WDR75: variants seen among roughly 807,000 people sequenced by gnomAD.
WDR75 encodes the protein WD repeat domain 75, also known as WD repeat-containing protein 75.
In WDR75, 52 loss-of-function variants were observed where a neutral mutation model predicts 106.1. The observed-to-expected ratio is 0.49, with a 90% CI of 0.39 to 0.62. The LOEUF is 0.62. WDR75 is among the 20% of genes least tolerant of loss of function. The probability of loss-of-function intolerance (pLI) is 0.00; values close to 1 mark genes in which losing one functional copy is unlikely to be tolerated. For synonymous variants in WDR75, 333 were observed against 335.5 expected (o/e 0.99, Z 0.08); for missense variants, 905 against 970.3 (o/e 0.93, Z 0.89).
At chr2:189,461,079 TCAC>T (rs1352297481) in intron 8 of WDR75, among the ~76,000 whole-genome samples, 1 of 152,230 alleles carries the variant, frequency 6.6e-6, no homozygotes, top group East Asian at 1.9e-4. Context: ...TTTGTGTACA[TCAC>T]AACTACATAC....
Position 189,451,807 on chromosome 2 carries a change from T to C in WDR75, c.285T>C (p.Thr95=), listed in dbSNP as rs1284670153. The C allele has an allele frequency of 2.5e-6, 4 of 1,613,258 alleles. No homozygotes were observed. The highest frequency in any genetic ancestry group is 2.2e-5 in the East Asian group (1 of 44,820). The change falls in exon 4 of 21, where the codon ACT becomes ACC. Residue 95 remains threonine (T), a splice_region_variant and synonymous_variant. Transcript: ENST00000314761. ...WDYIDGILIK[T]FIVGCKLHAL... is the part of the protein sequence containing the mutation. ...CTATGGTGCTCTTTATCTTTCAGAC[T>C]TTCATAGTTGGATGTAAACTTCATG...
chr2:189,444,686 T>C (rs13032853), intron 1 of WDR75, among the ~76,000 whole-genome samples: 85,858 of 151,942 alleles, frequency 0.57, 26,070 homozygotes, highest in East Asian at 0.69. Context: ...TTATTTCTAG[T>C]CTTGCTCTGA....
chr2:189,452,598 G>T (rs751514175), intron 4 of WDR75, among the ~76,000 whole-genome samples: 94 of 152,054 alleles, frequency 6.2e-4, no homozygotes, highest in Middle Eastern at 3.4e-3. Context: ...CCAATAATGT[G>T]ACTAAGTTAT....
At chr2:189,455,677 A>AGAC (rs1686719782) in intron 5 of WDR75, 1 of 324,206 alleles carries the variant, frequency 3.1e-6, no homozygotes, top group Admixed American at 4.7e-5. Flanking sequence ...CTCTTAGACT[A>AGAC]TGTGTCTTTA....
intron 1 of WDR75, among the ~76,000 whole-genome samples, chr2:189,442,165 T>C (rs776761099): frequency 2.1e-4 from 32 of 152,182 alleles, no homozygotes; most frequent in Non-Finnish European, 4.1e-4. Flanking sequence ...GTAAGTTTCT[T>C]AATCTTTGCC....
At chr2:189,469,563 G>C in intron 16 of WDR75, 124 bp downstream of exon 16, 1 of 724,198 alleles carries the variant, frequency 1.4e-6, no homozygotes. Context: ...CTTGAGGCAC[G>C]GCCCTTCTTT....
Position 189,449,576 on chromosome 2 carries a change from G to A in WDR75, c.216+1068G>A, listed in dbSNP as rs1024321235. 16 of 1,045,644 alleles carry A rather than the reference G, an allele frequency of 1.5e-5. No homozygotes were observed. The East Asian group carries it at 2.3e-4, about 15-fold the overall frequency. 64.8% of individuals were successfully genotyped at this position (1,045,644 alleles called of 1,614,324 possible). Reference sequence around the variant, plus strand: ...ACACAATTCATAAAAGCTTTGTTTCGGATGACTGAAAGTGAGTAAAATTAG... The same window carrying A: ...ACACAATTCATAAAAGCTTTGTTTCAGATGACTGAAAGTGAGTAAAATTAG... On this transcript the variant is annotated intron_variant, in intron 2 of 20. Transcript: ENST00000314761.
chr2:189,450,487 C>T (rs1390197076), intron 2 of WDR75: 6 of 866,386 alleles, frequency 6.9e-6, no homozygotes, highest in African/African-American at 1.9e-5. Context: ...TGTGCCACCA[C>T]GCCTGGCTAA....
At chr2:189,459,519 A>G in intron 8 of WDR75, 95 bp downstream of exon 8, 1 of 1,146,686 alleles carries the variant, frequency 8.7e-7, no homozygotes, top group South Asian at 1.3e-5. Flanking sequence ...TTAAAACTGC[A>G]TGAGCCAAAT....
chr2:189,468,693 G>C (rs181593974), intron 15 of WDR75, 124 bp downstream of exon 15: 8 of 911,606 alleles, frequency 8.8e-6, no homozygotes, highest in African/African-American at 1.7e-5. Context: ...AGTTTTTTAC[G>C]TGACATATGA....
chr2:189,448,316 T>G, intron 1 of WDR75, 63 bp from the exon 2 acceptor site: 2 of 1,504,878 alleles, frequency 1.3e-6, no homozygotes, highest in Non-Finnish European at 1.8e-6. Flanking sequence ...AATGTCTTTT[T>G]CAGCAGTGTG....
Position 189,468,553 on chromosome 2 carries a change from TCTG to T in WDR75, c.1711_1713del (p.Leu571del). 1 of 1,613,262 alleles carries T rather than the reference TCTG, an allele frequency of 6.2e-7. No homozygotes were observed. The highest frequency in any genetic ancestry group is 8.5e-7 in the Non-Finnish European group (1 of 1,179,372). On this transcript the variant is annotated inframe_deletion, in exon 15 of 21. Transcript: ENST00000314761. The stretch of plus-strand genomic sequence containing the variant: ...AAAATGGCATTCTTTGCTGTTGGAA[TCTG>T]CTGAGCTGTGCATGTAAGATATTTT...
In WDR75 at chr2:189,462,401, A is replaced by C. The variant is rs377735729; in HGVS notation, c.779-83A>C. 60 of 1,515,312 alleles carry C rather than the reference A, an allele frequency of 4.0e-5. No homozygotes were observed. In the South Asian group the frequency reaches 4.2e-4, roughly 11 times the overall value. 93.9% of individuals were successfully genotyped at this position (1,515,312 alleles called of 1,614,324 possible). Reference sequence around the variant, plus strand: ...GAGTTTATTTCTCTAGTACGGTAGCAAAAACAAAAGTGTTAATTATATTTT... The same window carrying C: ...GAGTTTATTTCTCTAGTACGGTAGCCAAAACAAAAGTGTTAATTATATTTT... On this transcript the variant is annotated intron_variant, in intron 8 of 20. Transcript: ENST00000314761.
chr2:189,465,122 T>C lies in WDR75; in HGVS notation c.1157T>C (p.Ile386Thr). 6.2e-7 allele frequency: 1 copy of C among 1,612,398 alleles called. No homozygotes were observed. The highest frequency in any genetic ancestry group is 8.5e-7 in the Non-Finnish European group (1 of 1,178,942). ...QQEYINDYGLIQIELTKAAFG... is the reference protein window; with the variant it reads ...QQEYINDYGLTQIELTKAAFG... ...GAATATATTAATGATTATGGTCTGATCCAAATTGAACTAACAAAGGCTGCA... is the reference window on the plus strand; with the variant it reads ...GAATATATTAATGATTATGGTCTGACCCAAATTGAACTAACAAAGGCTGCA... The change falls in exon 12 of 21, where the codon ATC becomes ACC. Residue 386 changes from isoleucine (I) to threonine (T), a missense_variant. Physicochemically the swap from Ile to Thr is moderately conservative, Grantham distance 89. Transcript: ENST00000314761.
Position 189,459,493 on chromosome 2 carries a change from T to G in WDR75, c.778+69T>G, listed in dbSNP as rs547323826. The G allele has an allele frequency of 5.6e-6, 8 of 1,428,670 alleles. No homozygotes were observed. In the African/African-American group the frequency reaches 8.5e-5, roughly 15 times the overall value. 88.5% of individuals were successfully genotyped at this position (1,428,670 alleles called of 1,614,324 possible). On this transcript the variant is annotated intron_variant, in intron 8 of 20. Coordinates refer to ENST00000314761, the MANE Select transcript of WDR75 (RefSeq NM_032168.3). ...ATTCAAGTGTTTTAATTCACTGTAT[T>G]TTTAGTTTGGAAGATTTAAAACTGC... is the stretch of plus-strand genomic sequence containing the variant.
At chr2:189,456,935 G>A (rs1374456815) in intron 5 of WDR75, among the ~76,000 whole-genome samples, 1 of 151,958 alleles carries the variant, frequency 6.6e-6, no homozygotes. Flanking sequence ...TTTTGTGGGG[G>A]AGTGTTTCTT....
intron 6 of WDR75, among the ~76,000 whole-genome samples, chr2:189,457,720 T>C (rs764567649): frequency 6.6e-6 from 1 of 152,166 alleles, no homozygotes; most frequent in Non-Finnish European, 1.5e-5. Flanking sequence ...CTTTGACATA[T>C]GTAAGTTTTA....
chr2:189,450,496 A>G, intron 2 of WDR75: 1 of 884,444 alleles, frequency 1.1e-6, no homozygotes, highest in Non-Finnish European at 1.4e-6. Context: ...ACGCCTGGCT[A>G]ATTTTTGTAG....
intron 13 of WDR75, among the ~76,000 whole-genome samples, 165 bp downstream of exon 13, chr2:189,466,747 T>G (rs1478795320): frequency 6.6e-6 from 1 of 152,174 alleles, no homozygotes; most frequent in African/African-American, 2.4e-5. Flanking sequence ...TACATGCCTT[T>G]TTCCTCAAAT....
Sources: allele counts gnomAD v4.1 joint callset (sites outside exome capture counted in the v4.1 genomes callset), GRCh38; gene constraint gnomAD v4.1.1; transcripts MANE v1.5; gene names NCBI Gene and HGNC (gene_info 2026-07-23, HGNC 2026-07-21).